OSR1: variants seen among roughly 807,000 people sequenced by gnomAD.
The protein encoded by OSR1 is odd-skipped related transcription factor 1, also known as protein odd-skipped-related 1.
OSR1 carries 3 observed loss-of-function variants against 15.7 expected under a neutral mutation model. The observed-to-expected ratio is 0.19, with a 90% CI of 0.09 to 0.50. The LOEUF is 0.50. Among genes scored for constraint, OSR1 ranks in the 20% least tolerant of loss-of-function variants. OSR1 has a pLI of 0.97. For synonymous variants in OSR1, 166 were observed against 152.7 expected (o/e 1.09, Z -0.64); for missense variants, 271 against 351.1 (o/e 0.77, Z 1.82).
In OSR1 at chr2:19,353,772, T is replaced by A; in HGVS notation, c.34A>T (p.Ile12Phe). The change falls in exon 2 of 3, where the codon ATC (isoleucine) becomes TTC (phenylalanine). Residue 12 changes from isoleucine to phenylalanine, a missense_variant. Physicochemically the swap from Ile to Phe is conservative, Grantham distance 21. This residue lies in a region of OSR1 where 210 missense variants were observed against 218.4 expected (regional missense o/e 0.96). Transcript: ENST00000272223. The stretch of plus-strand genomic sequence containing the variant: ...TTGGTGAGCTGCAGGGAAGGGTGGA[T>A]AGGCACCGGCGCCGGCAAGGTTTTG... ...GSKTLPAPVP[I>F]HPSLQLTNYS... 6.2e-7 allele frequency: 1 copy of A among 1,612,898 alleles called. No homozygotes were observed. The highest frequency in any genetic ancestry group is 8.5e-7 in the Non-Finnish European group (1 of 1,179,184).
At chr2:19,350,413 G>C (rs1664813826), downstream of OSR1, among the ~76,000 whole-genome samples, 1 of 152,140 alleles carries the variant, frequency 6.6e-6, no homozygotes, top group Admixed American at 6.5e-5. Context: ...CGTTCCCGGA[G>C]GAGGTGGGGA....
chr2:19,352,155 G>C lies in OSR1; in HGVS notation c.*120C>G. 8.4e-7 allele frequency: 1 copy of C among 1,196,248 alleles called. No individual in the cohort carries two copies. 74.1% of individuals were successfully genotyped at this position (1,196,248 alleles called of 1,614,324 possible). ...GTGCGCCAGGGACCCAGGGGACAAT[G>C]TTGGAGAGGTGGAAGGTCCCGAGCG... On this transcript the variant is annotated 3_prime_UTR_variant, in exon 3 of 3. Transcript: ENST00000272223.
At chr2:19,346,488 G>C (rs753774107), downstream of OSR1, among the ~76,000 whole-genome samples, 1 of 152,216 alleles carries the variant, frequency 6.6e-6, no homozygotes, top group Non-Finnish European at 1.5e-5. Context: ...AAATGGGTCA[G>C]GCATGGTGCC....
Position 19,356,045 on chromosome 2 carries a change from C to CG in OSR1, c.-32-2209_-32-2208insC, listed in dbSNP as rs141987905. 1,135 of 152,666 alleles carry CG rather than the reference C, an allele frequency of 7.4e-3. 10 individuals carry two copies. The highest frequency in any genetic ancestry group is 0.012 in the Non-Finnish European group (805 of 68,330). 9.5% of individuals were successfully genotyped at this position (152,666 alleles called of 1,614,324 possible). On this transcript the variant is annotated intron_variant, in intron 1 of 2. Transcript: ENST00000272223. ...CCTTATCTCCGGGTCCCGGACCCCG[C>CG]TGGGCGCCGCGGAGGCCTCCCCCTG...
the OSR1 span, among the ~76,000 whole-genome samples, chr2:19,345,430 GT>G: frequency 6.6e-6 from 1 of 151,884 alleles, no homozygotes; most frequent in African/African-American, 2.4e-5. Context: ...GGTTTTTATG[GT>G]TTTAGGTCTA....
At chr2:19,354,833 G>A (rs1664918141) in intron 1 of OSR1, 1 of 152,324 alleles carries the variant, frequency 6.6e-6, no homozygotes, top group Admixed American at 6.5e-5. Context: ...ATGTTCTTGT[G>A]TGTTGTGAGC....
chr2:19,348,309 C>G (rs1558357672), downstream of OSR1: 1 of 151,738 alleles, frequency 6.6e-6, no homozygotes, highest in Non-Finnish European at 1.5e-5. Context: ...TGGGCCGATT[C>G]GCGGGGCGGG....
In OSR1 at chr2:19,353,212, G is replaced by C. The variant is rs537483235; in HGVS notation, c.594C>G (p.Thr198=). The C allele has an allele frequency of 1.9e-6, 3 of 1,614,236 alleles. No individual in the cohort carries two copies. Among genetic ancestry groups the C allele is most frequent in the African/African-American group, 2.7e-5 (2 of 75,064 alleles). ...TGTCACAGGTGTAGGGCCGCTCGTC[G>C]GTGTGCGTCCGCTCATGGATAAGTA... ...YNLLIHERTH[T]DERPYTCDIC... The change falls in exon 2 of 3, where the codon ACC becomes ACG. Residue 198 remains threonine, a synonymous_variant. Transcript: ENST00000272223.
downstream of OSR1, among the ~76,000 whole-genome samples, chr2:19,347,661 C>A (rs1250319723): frequency 2.0e-5 from 3 of 152,222 alleles, no homozygotes; most frequent in African/African-American, 4.8e-5. Context: ...CAGGGCGTTC[C>A]ACCGGGCTGA....
At chr2:19,356,274 A>G (rs766069550) in intron 1 of OSR1, 2 of 152,380 alleles carry the variant, frequency 1.3e-5, no homozygotes, top group Non-Finnish European at 2.9e-5. Flanking sequence ...GAGTGCTTGC[A>G]GCTATAATGG....
At chr2:19,356,417 C>G (rs1664951214) in intron 1 of OSR1, 1 of 152,338 alleles carries the variant, frequency 6.6e-6, no homozygotes, top group African/African-American at 2.4e-5. Context: ...CAGGCTCCCG[C>G]CAACGACTTT....
At chr2:19,353,958 A>G in intron 1 of OSR1, 121 bp from the exon 2 acceptor site, 1 of 814,884 alleles carries the variant, frequency 1.2e-6, no homozygotes, top group Middle Eastern at 3.7e-4. Flanking sequence ...AGGAGCTAAG[A>G]GTCTAAGACC....
At chr2:19,345,884 G>C in the OSR1 span, among the ~76,000 whole-genome samples, 2 of 152,198 alleles carry the variant, frequency 1.3e-5, no homozygotes. Flanking sequence ...AAATGCCCAA[G>C]CAAATTTCAA....
chr2:19,345,989 T>G, the OSR1 span, among the ~76,000 whole-genome samples: 2 of 152,214 alleles, frequency 1.3e-5, no homozygotes, highest in African/African-American at 4.8e-5. Flanking sequence ...CCATCTCCAC[T>G]GGCTTTCTTC....
At chr2:19,348,105 G>A (rs1182205326), downstream of OSR1, among the ~76,000 whole-genome samples, 1 of 152,142 alleles carries the variant, frequency 6.6e-6, no homozygotes, top group African/African-American at 2.4e-5. Flanking sequence ...CGCGGCCATA[G>A]TGGGCGCAGA....
downstream of OSR1, among the ~76,000 whole-genome samples, chr2:19,347,177 G>A (rs1364325932): frequency 6.6e-6 from 1 of 152,164 alleles, no homozygotes; most frequent in Non-Finnish European, 1.5e-5. Context: ...AGGTTGGGAG[G>A]CAGGCTACGT....
At chr2:19,353,066 AAGAACCTCGTT>A in intron 2 of OSR1, 64 bp downstream of exon 2, 2 of 1,542,968 alleles carry the variant, frequency 1.3e-6, no homozygotes, top group Non-Finnish European at 1.8e-6. Flanking sequence ...AGGGGGTCTC[AAGAACCTCGTT>A]AGGGAGAAAG....
intron 2 of OSR1, 127 bp from the exon 3 acceptor site, chr2:19,352,537 T>G: frequency 8.8e-7 from 1 of 1,131,970 alleles, no homozygotes; most frequent in Non-Finnish European, 1.3e-6. Context: ...AGGTACCAAG[T>G]GTGGATGGGA....
At chr2:19,354,533 G>A (rs919725459) in intron 1 of OSR1, 1 of 152,024 alleles carries the variant, frequency 6.6e-6, no homozygotes, top group African/African-American at 2.4e-5. Flanking sequence ...GCTGACCTTC[G>A]ATTTGGCTTC....
Sources: allele counts gnomAD v4.1 joint callset (sites outside exome capture counted in the v4.1 genomes callset), GRCh38; gene constraint gnomAD v4.1.1; regional missense constraint gnomAD v4.1.1; transcripts MANE v1.5; gene names NCBI Gene and HGNC (gene_info 2026-07-23, HGNC 2026-07-21).